The following LDB2 variants were observed in gnomAD, a reference collection of about 807,000 sequenced individuals.
LDB2 encodes the protein LIM domain-binding protein 2.
Under a neutral mutation model 44.3 loss-of-function variants are expected in LDB2, and 12 were observed. That is an observed-to-expected ratio of 0.27 (90% CI 0.17 to 0.44). LDB2 has a LOEUF of 0.44. LDB2 is among the 20% of genes least tolerant of loss of function. The probability of loss-of-function intolerance (pLI) is 1.00; values close to 1 mark genes in which losing one functional copy is unlikely to be tolerated. For missense variants in LDB2, 344 were observed against 473.5 expected (o/e 0.73, Z 2.54); for synonymous variants, 164 against 174.8 (o/e 0.94, Z 0.49).
intron 1 of LDB2, among the ~76,000 whole-genome samples, chr4:16,884,503 G>A (rs1721075174): frequency 6.6e-6 from 1 of 152,106 alleles, no homozygotes; most frequent in African/African-American, 2.4e-5. Flanking sequence ...CCTCAGCAGT[G>A]TCAAAATCTT....
chr4:16,580,310 C>T (rs369731519), intron 5 of LDB2, among the ~76,000 whole-genome samples: 4 of 152,120 alleles, frequency 2.6e-5, no homozygotes, highest in South Asian at 4.1e-4. Flanking sequence ...TTGATTAATA[C>T]ACTGAAAAAT....
intron 2 of LDB2, among the ~76,000 whole-genome samples, chr4:16,654,275 C>T (rs1156574689): frequency 6.6e-6 from 1 of 152,114 alleles, no homozygotes; most frequent in Non-Finnish European, 1.5e-5. Context: ...TTTTCCCTCC[C>T]TCCAAATCCC....
chr4:16,722,056 G>A (rs1004598508), intron 2 of LDB2, among the ~76,000 whole-genome samples: 1 of 152,094 alleles, frequency 6.6e-6, no homozygotes, highest in Admixed American at 6.6e-5. Flanking sequence ...AACAATCTGG[G>A]TTCTAGATTC....
intron 2 of LDB2, among the ~76,000 whole-genome samples, chr4:16,675,854 T>G (rs1746155947): frequency 6.6e-6 from 1 of 152,214 alleles, no homozygotes; most frequent in Non-Finnish European, 1.5e-5. Flanking sequence ...TCAGTGTTGA[T>G]TTATTCATGC....
chr4:16,586,487 TACACACACAC>T (rs5856368), intron 4 of LDB2, among the ~76,000 whole-genome samples: 363 of 128,932 alleles, frequency 2.8e-3, no homozygotes, highest in African/African-American at 9.6e-3. Flanking sequence ...TGTCTTGAAA[TACACACACAC>T]ACACACACAC....
rs188733163 is a variant in LDB2 at position 16,897,919 on chromosome 4, T to C, written c.132+435A>G. Among the ~76,000 whole-genome samples, 84 of 16,498 alleles carry C rather than the reference T, an allele frequency of 5.1e-3. 2 individuals are homozygous for C. The highest frequency in any genetic ancestry group is 0.031 in the African/African-American group (69 of 2,206). 10.8% of individuals were successfully genotyped at this position (16,498 alleles called of 152,430 possible). On this transcript the variant is annotated intron_variant, in intron 1 of 7. Transcript: ENST00000304523. ...AAATATATATATATATATATATATA[T>C]ATATATATATATATATATACACATA...
chr4:16,547,726 GC>G (rs1469655550), intron 5 of LDB2, among the ~76,000 whole-genome samples: 1 of 152,136 alleles, frequency 6.6e-6, no homozygotes, highest in Admixed American at 6.5e-5. Flanking sequence ...AGACTCTGAA[GC>G]CTAGATGTTT....
chr4:16,761,871 G>A (rs1767993373), intron 1 of LDB2, among the ~76,000 whole-genome samples: 2 of 152,028 alleles, frequency 1.3e-5, no homozygotes, highest in Non-Finnish European at 1.5e-5. Context: ...GGCCAGATGT[G>A]GTGGTTCATG....
intron 1 of LDB2, among the ~76,000 whole-genome samples, chr4:16,825,431 C>T (rs1022432866): frequency 6.6e-6 from 1 of 152,136 alleles, no homozygotes; most frequent in Non-Finnish European, 1.5e-5. Context: ...AAGCAGGGTA[C>T]CTTGAATATC....
chr4:16,890,721 A>AG (rs895292322), intron 1 of LDB2, among the ~76,000 whole-genome samples: 1 of 152,182 alleles, frequency 6.6e-6, no homozygotes, highest in Non-Finnish European at 1.5e-5. Context: ...TGTCTGGTAA[A>AG]GGAGAACCAG....
intron 1 of LDB2, among the ~76,000 whole-genome samples, chr4:16,788,903 T>C (rs1775094595): frequency 6.6e-6 from 1 of 152,178 alleles, no homozygotes; most frequent in Admixed American, 6.5e-5. Context: ...AGCAGCCCAC[T>C]GCAGCAGGGC....
intron 2 of LDB2, among the ~76,000 whole-genome samples, chr4:16,671,699 C>G (rs980668164): frequency 6.6e-6 from 1 of 152,100 alleles, no homozygotes; most frequent in Admixed American, 6.5e-5. Flanking sequence ...GTCCCTTACT[C>G]TGGGCTGGGT....
chr4:16,646,048 AC>A (rs1736712905), intron 2 of LDB2, among the ~76,000 whole-genome samples: 1 of 152,122 alleles, frequency 6.6e-6, no homozygotes, highest in South Asian at 2.1e-4. Flanking sequence ...CGCTCTTTAT[AC>A]CCCCAAATTT....
intron 1 of LDB2, among the ~76,000 whole-genome samples, chr4:16,831,490 T>G (rs1784072876): frequency 6.6e-6 from 1 of 152,114 alleles, no homozygotes; most frequent in Non-Finnish European, 1.5e-5. Flanking sequence ...CTATGGTGGT[T>G]GTTGCAACCA....
intron 7 of LDB2, among the ~76,000 whole-genome samples, chr4:16,504,816 A>AGAT (rs1718721077): frequency 6.6e-6 from 1 of 152,204 alleles, no homozygotes; most frequent in East Asian, 1.9e-4. Flanking sequence ...GAACAAAGGG[A>AGAT]GATGGAAAGA....
intron 5 of LDB2, among the ~76,000 whole-genome samples, chr4:16,559,245 C>T (rs1482718854): frequency 1.3e-5 from 2 of 152,126 alleles, no homozygotes; most frequent in East Asian, 3.8e-4. Context: ...GGACTAAATG[C>T]TCCAATTAAA....
At chr4:16,557,769 G>A (rs1740294923) in intron 5 of LDB2, among the ~76,000 whole-genome samples, 1 of 152,200 alleles carries the variant, frequency 6.6e-6, no homozygotes, top group South Asian at 2.1e-4. Flanking sequence ...CTCCTCAAGT[G>A]GGTCCCTGAC....
At chr4:16,883,637 C>T (rs771765434) in intron 1 of LDB2, among the ~76,000 whole-genome samples, 7 of 152,190 alleles carry the variant, frequency 4.6e-5, no homozygotes, top group Non-Finnish European at 8.8e-5. Flanking sequence ...CAGGTTTCAC[C>T]GCTTCTTGCC....
At chr4:16,567,423 T>C (rs1744940049) in intron 5 of LDB2, among the ~76,000 whole-genome samples, 1 of 151,992 alleles carries the variant, frequency 6.6e-6, no homozygotes, top group African/African-American at 2.4e-5. Context: ...CGTGTGTGTG[T>C]GTTTAAAGCA....
Sources: allele counts gnomAD v4.1 joint callset (sites outside exome capture counted in the v4.1 genomes callset), GRCh38; gene constraint gnomAD v4.1.1; transcripts MANE v1.5; gene names NCBI Gene and HGNC (gene_info 2026-07-23, HGNC 2026-07-21).